Variants in CSMD3 observed in about 807,000 individuals in gnomAD.
CSMD3 encodes CUB and sushi domain-containing protein 3.
In CSMD3, 177 loss-of-function variants were observed where a neutral mutation model predicts 435.2. The observed-to-expected ratio is 0.41, with a 90% CI of 0.36 to 0.46. CSMD3 has a LOEUF of 0.46. Among genes scored for constraint, CSMD3 ranks in the 20% least tolerant of loss-of-function variants. CSMD3 has a pLI of 0.34. For missense variants in CSMD3, 4,265 were observed against 4,504.6 expected (o/e 0.95, Z 1.52); for synonymous variants, 1,656 against 1,520.5 (o/e 1.09, Z -2.07).
At chr8:113,401,427 T>G (rs2094509578) in intron 1 of CSMD3, among the ~76,000 whole-genome samples, 1 of 151,748 alleles carries the variant, frequency 6.6e-6, no homozygotes, top group South Asian at 2.1e-4. Flanking sequence ...ATGATAAAAT[T>G]TAGGTAAAGG....
chr8:112,989,965 A>G (rs889962985), intron 6 of CSMD3, among the ~76,000 whole-genome samples: 1 of 151,914 alleles, frequency 6.6e-6, no homozygotes, highest in Non-Finnish European at 1.5e-5. Context: ...GTGGTAGTGA[A>G]TAAGTCTCAT....
At chr8:112,730,779 A>G (rs777449758) in intron 13 of CSMD3, among the ~76,000 whole-genome samples, 15 of 152,084 alleles carry the variant, frequency 9.9e-5, no homozygotes, top group Admixed American at 1.3e-4. Flanking sequence ...ATGGGCACGA[A>G]ACACAAGTCA....
intron 10 of CSMD3, among the ~76,000 whole-genome samples, chr8:112,912,744 C>A (rs932623958): frequency 2.0e-5 from 3 of 151,782 alleles, no homozygotes; most frequent in South Asian, 2.1e-4. Context: ...AGCTTCTGCA[C>A]GGCAAAGGAA....
At chr8:112,302,889 A>C (rs1263617242) in intron 52 of CSMD3, among the ~76,000 whole-genome samples, 6 of 151,252 alleles carry the variant, frequency 4.0e-5, no homozygotes, top group African/African-American at 1.4e-4. Flanking sequence ...TATTTATATT[A>C]TTTTCATTTA....
chr8:112,970,395 C>CAAAAAAA (rs11284034), intron 7 of CSMD3, among the ~76,000 whole-genome samples: 5 of 82,180 alleles, frequency 6.1e-5, no homozygotes, highest in Non-Finnish European at 9.7e-5. Flanking sequence ...GACTCCCTCT[C>CAAAAAAA]AAAAAAAAAA....
At chr8:112,752,568 GGAGTCATTA>G (rs2077595136) in intron 13 of CSMD3, among the ~76,000 whole-genome samples, 1 of 152,204 alleles carries the variant, frequency 6.6e-6, no homozygotes, top group African/African-American at 2.4e-5. Flanking sequence ...TGCAAAGTGA[GGAGTCATTA>G]GATACTATCC....
rs1187683172 is a variant in CSMD3 at position 113,251,908 on chromosome 8, A to G, written c.514+26684T>C. On this transcript the variant is annotated intron_variant, in intron 3 of 70. Transcript: ENST00000297405. ...TTTCTTAGAAATCCCATGAATTTTAAAAGTGTATACATAAATTAATTTGGG... is the reference window on the plus strand; with the variant it reads ...TTTCTTAGAAATCCCATGAATTTTAGAAGTGTATACATAAATTAATTTGGG... 7.2e-5 allele frequency among the ~76,000 whole-genome samples: 11 copies of G among 152,230 alleles called. No homozygotes were observed. In the East Asian group the frequency reaches 1.7e-3, roughly 24 times the overall value.
At chr8:112,814,152 A>G (rs1563986751) in intron 12 of CSMD3, among the ~76,000 whole-genome samples, 1 of 152,214 alleles carries the variant, frequency 6.6e-6, no homozygotes, top group Non-Finnish European at 1.5e-5. Flanking sequence ...GGGGACTTGG[A>G]TCCTGGCAAA....
At chr8:112,552,941 C>T (rs1260070331) in intron 25 of CSMD3, among the ~76,000 whole-genome samples, 1 of 151,976 alleles carries the variant, frequency 6.6e-6, no homozygotes, top group Admixed American at 6.6e-5. Context: ...AAACTGAAAC[C>T]TACTTAAAGA....
Position 112,552,587 on chromosome 8 carries a change from C to A in CSMD3, c.4361+7G>T. The A allele has an allele frequency of 6.2e-7, 1 of 1,610,916 alleles. No individual in the cohort carries two copies. The highest frequency in any genetic ancestry group is 1.1e-5 in the South Asian group (1 of 90,964). Reference sequence around the variant, plus strand: ...CTAGTAATGTTGAGAAAATGAAATTCATTTACCTGACAATATTTCCAGGAT... The same window carrying A: ...CTAGTAATGTTGAGAAAATGAAATTAATTTACCTGACAATATTTCCAGGAT... On this transcript the variant is annotated splice_region_variant and intron_variant, in intron 26 of 70. Coordinates refer to ENST00000297405, the MANE Select transcript of CSMD3 (RefSeq NM_198123.2).
intron 17 of CSMD3, among the ~76,000 whole-genome samples, chr8:112,662,916 T>C (rs573742784): frequency 1.3e-5 from 2 of 151,900 alleles, no homozygotes; most frequent in African/African-American, 4.8e-5. Context: ...AAAAGACACA[T>C]GAAAAAAATG....
chr8:112,369,309 T>TA lies in CSMD3; in HGVS notation c.6136+11042dup, dbSNP rs2131166059. On this transcript the variant is annotated intron_variant, in intron 38 of 70. Transcript: ENST00000297405. The stretch of plus-strand genomic sequence containing the variant: ...AGATTTGTTTAATGCTTGAAAGGAA[T>TA]AAAAAATTTACAAAAACCCAAAAGC... Among the ~76,000 whole-genome samples, 5 of 152,218 alleles carry TA rather than the reference T, an allele frequency of 3.3e-5. No homozygotes were observed. The South Asian group carries it at 1.0e-3, about 31-fold the overall frequency.
intron 7 of CSMD3, among the ~76,000 whole-genome samples, chr8:112,963,086 A>G (rs1420730737): frequency 6.6e-6 from 1 of 151,936 alleles, no homozygotes; most frequent in Non-Finnish European, 1.5e-5. Context: ...GGAGGGAGGA[A>G]AGTAAGACCA....
chr8:113,021,457 A>G (rs947616152), intron 5 of CSMD3, among the ~76,000 whole-genome samples: 2 of 152,140 alleles, frequency 1.3e-5, no homozygotes, highest in African/African-American at 2.4e-5. Context: ...CGTTAGGGAA[A>G]GTTTAAATTA....
rs180863760 is a variant in CSMD3, at chr8:112,261,371, T to C, written c.9862+2268A>G. ...TGAACCTAACACTCAACTTTAACAA[T>C]TGATAATTGCCAATACTGTTGCAAA... On this transcript the variant is annotated intron_variant, in intron 61 of 70. Coordinates refer to ENST00000297405, the MANE Select transcript of CSMD3 (RefSeq NM_198123.2). 7.1e-4 allele frequency among the ~76,000 whole-genome samples: 108 copies of C among 152,262 alleles called. 2 individuals carry two copies. The highest frequency in any genetic ancestry group is 3.4e-3 in the Middle Eastern group (1 of 294).
Position 112,244,476 on chromosome 8 carries a change from A to C in CSMD3, c.10320T>G (p.Pro3440=). 1 of 1,613,870 alleles carries C rather than the reference A, an allele frequency of 6.2e-7. No individual in the cohort carries two copies. Among genetic ancestry groups the C allele is most frequent in the South Asian group, 1.1e-5 (1 of 91,080 alleles). ...CTGTTCCACCTGCTAAGAAGAAGCC[A>C]GGCTGACAGGTATAAATCAGTGTAT... is the stretch of plus-strand genomic sequence containing the variant. The part of the protein sequence containing the change: ...HGYTLIYTCQ[P]GFFLAGGTEH... The change falls in exon 65 of 71, where the codon CCT becomes CCG. Residue 3440 remains proline (P), a synonymous_variant. Transcript: ENST00000297405.
intron 32 of CSMD3, 110 bp from the exon 33 acceptor site, chr8:112,409,142 T>C (rs970861922): frequency 1.3e-6 from 2 of 1,541,400 alleles, no homozygotes; most frequent in Admixed American, 2.0e-5. Flanking sequence ...TATTACAATA[T>C]AATAGTCATT....
At chr8:112,628,756 T>C (rs1834704333) in intron 22 of CSMD3, among the ~76,000 whole-genome samples, 1 of 152,106 alleles carries the variant, frequency 6.6e-6, no homozygotes, top group African/African-American at 2.4e-5. Context: ...AGGGGAGATA[T>C]GGAAAAGCTC....
At chr8:112,908,613 T>G (rs1449048353) in intron 10 of CSMD3, among the ~76,000 whole-genome samples, 1 of 151,550 alleles carries the variant, frequency 6.6e-6, no homozygotes, top group Non-Finnish European at 1.5e-5. Context: ...AGGTTCACAA[T>G]AGCCAGTATT....
Sources: allele counts gnomAD v4.1 joint callset (sites outside exome capture counted in the v4.1 genomes callset), GRCh38; gene constraint gnomAD v4.1.1; transcripts MANE v1.5; gene names NCBI Gene and HGNC (gene_info 2026-07-23, HGNC 2026-07-21).